ACOT2: variants seen among roughly 807,000 people sequenced by gnomAD.
The protein encoded by ACOT2 is acyl-coenzyme A thioesterase 2, mitochondrial.
In ACOT2, 15 loss-of-function variants were observed where a neutral mutation model predicts 20.1. That is an observed-to-expected ratio of 0.75 (90% CI 0.50 to 1.15). The LOEUF is 1.15. ACOT2 is among the 50% of genes most tolerant of loss of function. ACOT2 has a pLI of 0.00. For missense variants in ACOT2, 479 were observed against 615.3 expected, an observed-to-expected ratio of 0.78 and a Z score of 2.34; for synonymous variants, 252 against 268.4, an observed-to-expected ratio of 0.94 and a Z score of 0.60.
chr14:73,574,622 C>T (rs1889841550), intron 2 of ACOT2, among the ~76,000 whole-genome samples: 1 of 151,840 alleles, frequency 6.6e-6, no homozygotes. Flanking sequence ...GAATGGGTGG[C>T]TCAGGTGGGA....
chr14:73,570,565 T>G (rs1222101275), intron 1 of ACOT2, among the ~76,000 whole-genome samples: 3 of 143,680 alleles, frequency 2.1e-5, no homozygotes, highest in Middle Eastern at 4.0e-3. Flanking sequence ...CGAGACTCCG[T>G]CTCAAAAAAA....
chr14:73,568,431 C>T (rs540998984), upstream of ACOT2, among the ~76,000 whole-genome samples: 2 of 151,646 alleles, frequency 1.3e-5, no homozygotes, highest in African/African-American at 4.8e-5. Flanking sequence ...TGGGGAGCTC[C>T]GGTAGTCCTT....
upstream of ACOT2, chr14:73,569,040 C>T: frequency 1.5e-6 from 1 of 663,864 alleles, no homozygotes; most frequent in Non-Finnish European, 2.5e-6. Flanking sequence ...GCCCATTCCG[C>T]AGGCCAGCAA....
rs763436377 is a variant in ACOT2, at chr14:73,573,496, CTTA to C, written c.757_759del (p.Tyr253del). 9 of 1,613,612 alleles carry C rather than the reference CTTA, an allele frequency of 5.6e-6. No individual in the cohort carries two copies. The East Asian group carries it at 6.7e-5, about 12-fold the overall frequency. On this transcript the variant is annotated inframe_deletion, in exon 2 of 3. Coordinates refer to ENST00000238651, the MANE Select transcript of ACOT2 (RefSeq NM_006821.6). ...AAGGGTTTTGCTGTGATGGCTCTGG[CTTA>C]TTATAACTATGAAGACCTCCCCAAG...
chr14:73,573,990 G>A (rs930563558), intron 2 of ACOT2, among the ~76,000 whole-genome samples: 8 of 151,690 alleles, frequency 5.3e-5, no homozygotes, highest in African/African-American at 1.9e-4. Flanking sequence ...ACCTACCCAA[G>A]TGCTGGATTA....
At chr14:73,574,038 T>A (rs1471649083) in intron 2 of ACOT2, among the ~76,000 whole-genome samples, 1 of 6,826 alleles carries the variant, frequency 1.5e-4, no homozygotes, top group Non-Finnish European at 2.0e-4. Context: ...ATATTTGTAT[T>A]TTTTTTTTTT....
intron 1 of ACOT2, among the ~76,000 whole-genome samples, chr14:73,572,511 A>T (rs1325006198): frequency 6.6e-6 from 1 of 151,588 alleles, no homozygotes; most frequent in Non-Finnish European, 1.5e-5. Flanking sequence ...AAGAAAACCA[A>T]GAGTGATACA....
rs1196779161 is a variant in ACOT2, at chr14:73,569,805, C to G, written c.565C>G (p.Arg189Gly). The G allele has an allele frequency of 6.2e-7, 1 of 1,602,440 alleles. No homozygotes were observed. Among genetic ancestry groups the G allele is most frequent in the Non-Finnish European group, 8.5e-7 (1 of 1,175,618 alleles). ...GRLLCQTRHE[R>G]YFLPPGVRRE... ...GCTGCTGTGCCAGACGCGGCACGAG[C>G]GCTACTTCCTCCCGCCCGGGGTGCG... is the stretch of plus-strand genomic sequence containing the variant. Residue 189 changes from arginine (R) to glycine (G), a missense_variant, in exon 1 of 3, where the codon CGC (arginine) becomes GGC (glycine). Physicochemically the swap from Arg to Gly is moderately radical, Grantham distance 125 (BLOSUM62 -2). Coordinates refer to ENST00000238651, the MANE Select transcript of ACOT2 (RefSeq NM_006821.6).
In ACOT2 at chr14:73,569,532, G is replaced by T. The variant is rs765888619; in HGVS notation, c.292G>T (p.Ala98Ser). The part of the protein sequence containing the change: ...LAPEQPVTLR[A>S]SLRDEKGALF... The stretch of plus-strand genomic sequence containing the variant: ...CCCGGAGCAGCCGGTCACGCTGCGC[G>T]CGTCCCTGCGCGACGAGAAGGGCGC... Residue 98 changes from alanine to serine, a missense_variant, in exon 1 of 3, where the codon GCG (alanine) becomes TCG (serine). Ala to Ser is a moderately conservative substitution (Grantham distance 99). Around this residue, in one of 4 missense-constraint regions of ACOT2, gnomAD observed 400 missense variants for 395.5 expected, o/e 1.01. Transcript: ENST00000238651. 1 of 1,606,218 alleles carries T rather than the reference G, an allele frequency of 6.2e-7. No individual in the cohort carries two copies. The highest frequency in any genetic ancestry group is 1.1e-5 in the South Asian group (1 of 90,698).
chr14:73,567,897 G>A (rs1187665427), upstream of ACOT2: 1 of 152,076 alleles, frequency 6.6e-6, no homozygotes, highest in African/African-American at 2.4e-5. Context: ...GAACCCACCA[G>A]AAGGAACACA....
chr14:73,572,676 C>T, intron 1 of ACOT2, among the ~76,000 whole-genome samples: 1 of 131,234 alleles, frequency 7.6e-6, no homozygotes. Flanking sequence ...GAGACAGTGT[C>T]TCGCTCTTTC....
rs1889804777 is a variant in ACOT2 at position 73,573,404 on chromosome 14, T to C, written c.660T>C (p.Pro220=). The part of the protein sequence containing the change: ...LFLPPEPGPF[P]GIVDMFGTGG... ...CTTCCCAAGAACCTGGGCCCTTTCC[T>C]GGGATTGTGGACATGTTCGGAACTG... Residue 220 remains proline (P), a synonymous_variant, in exon 2 of 3, where the codon CCT becomes CCC. Coordinates refer to ENST00000238651, the MANE Select transcript of ACOT2 (RefSeq NM_006821.6). 2.5e-6 allele frequency: 4 copies of C among 1,613,654 alleles called. No homozygotes were observed. The highest frequency in any genetic ancestry group is 1.7e-5 in the Admixed American group (1 of 59,970).
In ACOT2 at chr14:73,571,977, A is replaced by G. The variant is rs528999117; in HGVS notation, c.644-1411A>G. ...AATGCAAAATAAAACAACAGAGTAC[A>G]TTTCACACCCTCAGAAGTGGCCCAC... On this transcript the variant is annotated intron_variant, in intron 1 of 2. Coordinates refer to ENST00000238651, the MANE Select transcript of ACOT2 (RefSeq NM_006821.6). Among the ~76,000 whole-genome samples the G allele has an allele frequency of 5.9e-5, 9 of 151,326 alleles. No individual in the cohort carries two copies. The South Asian group carries it at 1.9e-3, about 32-fold the overall frequency.
In ACOT2 at chr14:73,575,551, C is replaced by G. The variant is rs1397845866; in HGVS notation, c.*38C>G. 6.5e-7 allele frequency: 1 copy of G among 1,530,016 alleles called. No individual in the cohort carries two copies. Among genetic ancestry groups the G allele is most frequent in the Admixed American group, 2.2e-5 (1 of 44,788 alleles). The allele number at this position is 1,530,016 out of a possible 1,614,324, so 94.8% of individuals were successfully genotyped here. A position where few individuals can be genotyped will look rare whatever the true frequency, so the allele number is the denominator to read the frequency against. ...CATGTGGCCTCTCTGTTGCTAATCT[C>G]TCCTGGAAACATCTGCCACATTTAG... is the stretch of plus-strand genomic sequence containing the variant. On this transcript the variant is annotated 3_prime_UTR_variant, in exon 3 of 3. Coordinates refer to ENST00000238651, the MANE Select transcript of ACOT2 (RefSeq NM_006821.6).
Position 73,575,384 on chromosome 14 carries a change from C to T in ACOT2, c.1323C>T (p.Gly441=). 1 of 1,219,976 alleles carries T rather than the reference C, an allele frequency of 8.2e-7. No homozygotes were observed. The highest frequency in any genetic ancestry group is 1.1e-6 in the Non-Finnish European group (1 of 895,932). 75.6% of individuals were successfully genotyped at this position (1,219,976 alleles called of 1,614,324 possible). The stretch of plus-strand genomic sequence containing the variant: ...GGGCTTCCCTGCATGCCTTGGTGGG[C>T]AGTCCTATTATCTGGGGAGGGGAGC... ...LCRASLHALV[G]SPIIWGGEPR... is the part of the protein sequence containing the mutation. The change falls in exon 3 of 3, where the codon GGC becomes GGT. Residue 441 remains glycine (G), a synonymous_variant. Coordinates refer to ENST00000238651, the MANE Select transcript of ACOT2 (RefSeq NM_006821.6).
chr14:73,567,955 CT>C (rs1363289336), upstream of ACOT2: 11 of 152,128 alleles, frequency 7.2e-5, no homozygotes, highest in African/African-American at 2.4e-4. Flanking sequence ...AGACACACTA[CT>C]TTTCAGAACT....
chr14:73,570,671 G>C (rs1181972899), intron 1 of ACOT2, among the ~76,000 whole-genome samples: 3 of 152,020 alleles, frequency 2.0e-5, no homozygotes, highest in Non-Finnish European at 4.4e-5. Flanking sequence ...TTGGGAGGCC[G>C]AGGCCGGCGG....
At position 73,573,499 on chromosome 14, in the gene ACOT2, A is replaced by G; in HGVS notation, c.755A>G (p.Tyr252Cys). The G allele has an allele frequency of 3.1e-6, 5 of 1,613,656 alleles. No homozygotes were observed. Among genetic ancestry groups the G allele is most frequent in the Non-Finnish European group, 4.2e-6 (5 of 1,179,722 alleles). Residue 252 changes from tyrosine (Y) to cysteine (C), a missense_variant, in exon 2 of 3, where the codon TAT (tyrosine) becomes TGT (cysteine). Transcript: ENST00000238651. Reference sequence around the variant, plus strand: ...GGTTTTGCTGTGATGGCTCTGGCTTATTATAACTATGAAGACCTCCCCAAG... The same window carrying G: ...GGTTTTGCTGTGATGGCTCTGGCTTGTTATAACTATGAAGACCTCCCCAAG... ...GKGFAVMALA[Y>C]YNYEDLPKTM...
chr14:73,574,812 G>A (rs1194849944), intron 2 of ACOT2, 96 bp from the exon 3 acceptor site: 1 of 1,591,766 alleles, frequency 6.3e-7, no homozygotes, highest in Non-Finnish European at 8.6e-7. Flanking sequence ...CCTAGATTCA[G>A]ACTCAGGTTC....
Sources: gnomAD v4.1 joint callset for allele counts (sites outside exome capture counted in the v4.1 genomes callset) on GRCh38, gnomAD v4.1.1 for gene constraint, gnomAD v4.1.1 regional missense constraint, MANE v1.5 for transcripts, NCBI Gene and HGNC (gene_info 2026-07-23, HGNC 2026-07-21) for gene names.